Variants in ERC1 observed in about 807,000 individuals in gnomAD.
ERC1 encodes RAB6 interacting protein 2.
A neutral mutation model predicts 132.0 loss-of-function variants in ERC1; 56 were observed. The observed-to-expected ratio is 0.42, with a 90% CI of 0.34 to 0.53. ERC1 has a LOEUF of 0.53. Ranked by LOEUF, ERC1 falls within the 20% of genes least tolerant of loss-of-function variation. ERC1 has a pLI of 0.03. For synonymous variants in ERC1, 478 were observed against 476.1 expected, an observed-to-expected ratio of 1.00 and a Z score of -0.05; for missense variants, 1,202 against 1,349.9, an observed-to-expected ratio of 0.89 and a Z score of 1.72.
intron 15 of ERC1, among the ~76,000 whole-genome samples, chr12:1,305,710 T>TA (rs1405767845): frequency 1.3e-5 from 2 of 152,232 alleles, no homozygotes; most frequent in Non-Finnish European, 2.9e-5. Context: ...AGTTCCAATT[T>TA]AAGCTAATTT....
intron 18 of ERC1, among the ~76,000 whole-genome samples, chr12:1,473,599 C>T (rs543429786): frequency 6.9e-6 from 1 of 145,676 alleles, no homozygotes; most frequent in African/African-American, 2.6e-5. Context: ...CACCGCACTC[C>T]AGCCTGGGGG....
intron 13 of ERC1, among the ~76,000 whole-genome samples, chr12:1,254,028 T>A (rs558238830): frequency 7.9e-4 from 120 of 152,324 alleles, no homozygotes; most frequent in African/African-American, 2.6e-3. Context: ...CGTATTTGAT[T>A]TCAGCAAATA....
At chr12:1,173,236 C>T (rs758252297) in intron 8 of ERC1, among the ~76,000 whole-genome samples, 95 of 152,220 alleles carry the variant, frequency 6.2e-4, no homozygotes, top group Non-Finnish European at 1.1e-3. Flanking sequence ...GATTCTGGAG[C>T]TACACTACCT....
At position 1,133,896 on chromosome 12, in the gene ERC1, C is replaced by T. The variant is rs77474466; in HGVS notation, c.1570-7724C>T. 4.9e-3 allele frequency among the ~76,000 whole-genome samples: 748 copies of T among 152,270 alleles called. 5 individuals are homozygous for T. Among genetic ancestry groups the T allele is most frequent in the South Asian group, 0.039 (188 of 4,822 alleles). On this transcript the variant is annotated intron_variant, in intron 7 of 18. Coordinates refer to ENST00000360905, the MANE Select transcript of ERC1 (RefSeq NM_178040.4). ...TTCAGATTCCATATGTAAGTGAGAT[C>T]ATACCGTAATCTGTGTTATTTCTGA...
intron 8 of ERC1, among the ~76,000 whole-genome samples, chr12:1,175,488 A>C (rs1333999098): frequency 1.3e-5 from 2 of 151,694 alleles, no homozygotes; most frequent in African/African-American, 4.8e-5. Flanking sequence ...CAACAACAAA[A>C]AACACTCTTA....
At chr12:1,363,299 G>A (rs2086312381) in intron 15 of ERC1, among the ~76,000 whole-genome samples, 1 of 152,136 alleles carries the variant, frequency 6.6e-6, no homozygotes, top group Non-Finnish European at 1.5e-5. Context: ...GTAAAACTAA[G>A]TCTTCTAAAC....
chr12:1,240,265 G>A (rs2075704451), intron 13 of ERC1, among the ~76,000 whole-genome samples: 1 of 152,182 alleles, frequency 6.6e-6, no homozygotes, highest in Non-Finnish European at 1.5e-5. Context: ...AATTCCAATG[G>A]TAGTAGGGGA....
intron 14 of ERC1, among the ~76,000 whole-genome samples, chr12:1,285,541 C>T (rs1004642822): frequency 6.6e-6 from 1 of 152,144 alleles, no homozygotes; most frequent in East Asian, 1.9e-4. Context: ...ATAAAGATAT[C>T]TTTGCCAGCA....
At chr12:1,338,920 C>T (rs1164059278) in intron 15 of ERC1, among the ~76,000 whole-genome samples, 1 of 152,206 alleles carries the variant, frequency 6.6e-6, no homozygotes, top group Non-Finnish European at 1.5e-5. Flanking sequence ...GTCCACTGTG[C>T]TGGTGGGGCC....
chr12:1,010,793 C>G (rs1592678326), intron 1 of ERC1, among the ~76,000 whole-genome samples: 1 of 152,002 alleles, frequency 6.6e-6, no homozygotes, highest in African/African-American at 2.4e-5. Context: ...GATTACCGAA[C>G]CCGGCTGGCT....
At chr12:1,308,116 C>T (rs1253301345) in intron 15 of ERC1, among the ~76,000 whole-genome samples, 1 of 152,112 alleles carries the variant, frequency 6.6e-6, no homozygotes, top group Non-Finnish European at 1.5e-5. Context: ...GTCCTAACCT[C>T]TGACAGGGAT....
At chr12:1,336,719 GTT>G (rs1234087992) in intron 15 of ERC1, among the ~76,000 whole-genome samples, 1 of 152,062 alleles carries the variant, frequency 6.6e-6, no homozygotes, top group Non-Finnish European at 1.5e-5. Flanking sequence ...TGTATGTTCT[GTT>G]GCTTTTGGGT....
chr12:1,421,808 G>C (rs1159828498), intron 17 of ERC1, among the ~76,000 whole-genome samples: 1 of 151,480 alleles, frequency 6.6e-6, no homozygotes, highest in Non-Finnish European at 1.5e-5. Context: ...ATGAGGTCAG[G>C]AGATCGAGAC....
chr12:1,106,900 A>G (rs1413361565), intron 4 of ERC1, among the ~76,000 whole-genome samples: 2 of 152,214 alleles, frequency 1.3e-5, no homozygotes, highest in East Asian at 3.8e-4. Context: ...CTGGTGGCCC[A>G]GTGGGGTCAA....
intron 17 of ERC1, among the ~76,000 whole-genome samples, chr12:1,409,796 C>A (rs763570301): frequency 6.6e-6 from 1 of 152,158 alleles, no homozygotes; most frequent in Non-Finnish European, 1.5e-5. Context: ...GCAACCTACA[C>A]CTCCTGGGTT....
chr12:1,259,356 AAC>A (rs902799853), intron 13 of ERC1, among the ~76,000 whole-genome samples: 3 of 152,040 alleles, frequency 2.0e-5, no homozygotes, highest in Admixed American at 6.5e-5. Context: ...TACACAAACC[AAC>A]ACACACACTT....
At chr12:1,487,472 A>G (rs905076715) in intron 18 of ERC1, among the ~76,000 whole-genome samples, 7 of 136,378 alleles carry the variant, frequency 5.1e-5, no homozygotes, top group African/African-American at 1.9e-4. Context: ...TAGGAGGCCG[A>G]GGCAGGAGGA....
At chr12:1,252,862 TC>T (rs2154316483) in intron 13 of ERC1, among the ~76,000 whole-genome samples, 1 of 152,328 alleles carries the variant, frequency 6.6e-6, no homozygotes, top group East Asian at 1.9e-4. Flanking sequence ...GTAAATGAAT[TC>T]TGACATGTTG....
intron 12 of ERC1, among the ~76,000 whole-genome samples, chr12:1,222,075 A>G (rs1003020031): frequency 6.6e-6 from 1 of 152,168 alleles, no homozygotes; most frequent in Non-Finnish European, 1.5e-5. Context: ...AGGCAGCATT[A>G]CACAGTGGCA....
Sources: allele counts gnomAD v4.1 joint callset (sites outside exome capture counted in the v4.1 genomes callset), GRCh38; gene constraint gnomAD v4.1.1; transcripts MANE v1.5; gene names NCBI Gene and HGNC (gene_info 2026-07-23, HGNC 2026-07-21).